The following PHF13 variants were observed in gnomAD, a reference collection of about 807,000 sequenced individuals.
PHF13 encodes PHD finger protein 13, also known as PHD zinc finger protein PHF5.
A neutral mutation model predicts 25.8 loss-of-function variants in PHF13; 1 was observed. That is an observed-to-expected ratio of 0.04 (90% CI 0.01 to 0.18). The LOEUF (loss-of-function observed/expected upper bound fraction) is 0.18. PHF13 is among the 10% of genes least tolerant of loss of function. PHF13 has a pLI of 1.00. For synonymous variants in PHF13, 195 were observed against 162.4 expected, an observed-to-expected ratio of 1.20 and a Z score of -1.53; for missense variants, 306 against 403.2, an observed-to-expected ratio of 0.76 and a Z score of 2.06.
Position 6,620,202 on chromosome 1 carries a change from T to G in PHF13, c.541T>G (p.Cys181Gly), listed in dbSNP as rs748409666. The change falls in exon 3 of 4, where the codon TGT becomes GGT. Residue 181 changes from cysteine to glycine, a missense_variant. Cys to Gly is a radical substitution (Grantham distance 159). Coordinates refer to ENST00000377648, the MANE Select transcript of PHF13 (RefSeq NM_153812.3). Reference sequence around the variant, plus strand: ...CTCCGATACTCCCTCGAGTGGATCTTGTGCCACTGTGTCACCTGATCAGGT... The same window carrying G: ...CTCCGATACTCCCTCGAGTGGATCTGGTGCCACTGTGTCACCTGATCAGGT... ...WDSDTPSSGSCATVSPDQVKE... is the reference protein window; with the variant it reads ...WDSDTPSSGSGATVSPDQVKE... 1 of 1,614,020 alleles carries G rather than the reference T, an allele frequency of 6.2e-7. No homozygotes were observed. Among genetic ancestry groups the G allele is most frequent in the Non-Finnish European group, 8.5e-7 (1 of 1,180,028 alleles).
intron 1 of PHF13, among the ~76,000 whole-genome samples, chr1:6,616,367 A>AGCT (rs1641260939): frequency 6.6e-6 from 1 of 152,154 alleles, no homozygotes; most frequent in African/African-American, 2.4e-5. Flanking sequence ...CATCAGTTCC[A>AGCT]GCTGCTGCTG....
At chr1:6,618,425 G>A (rs751335365) in intron 2 of PHF13, among the ~76,000 whole-genome samples, 4 of 152,150 alleles carry the variant, frequency 2.6e-5, no homozygotes, top group East Asian at 1.9e-4. Context: ...GAGCCACTGC[G>A]TTTGGCCGTA....
chr1:6,614,125 C>T lies in PHF13; in HGVS notation c.39+20C>T, dbSNP rs1227109582. The T allele has an allele frequency of 5.0e-6, 8 of 1,596,810 alleles. No individual in the cohort carries two copies. Among genetic ancestry groups the T allele is most frequent in the African/African-American group, 4.1e-5 (3 of 72,302 alleles). On this transcript the variant is annotated intron_variant, in intron 1 of 3. Coordinates refer to ENST00000377648, the MANE Select transcript of PHF13 (RefSeq NM_153812.3). ...CCGGAGGTGAGTGAAGCTGTGCGTC[C>T]GAATCGCCCCCGACCACCCCCTCCG...
At chr1:6,617,460 T>C (rs1056988048) in intron 2 of PHF13, among the ~76,000 whole-genome samples, 2 of 152,090 alleles carry the variant, frequency 1.3e-5, no homozygotes, top group Non-Finnish European at 2.9e-5. Flanking sequence ...TTGTTTGAAA[T>C]GGAGTCTGGC....
chr1:6,614,204 C>T, intron 1 of PHF13, 99 bp downstream of exon 1: 4 of 1,041,902 alleles, frequency 3.8e-6, no homozygotes, highest in Non-Finnish European at 5.7e-6. Context: ...GCGCCGCCCT[C>T]CCCTTCCCCC....
intron 2 of PHF13, among the ~76,000 whole-genome samples, chr1:6,617,182 G>A (rs932373264): frequency 6.7e-6 from 1 of 149,632 alleles, no homozygotes; most frequent in Non-Finnish European, 1.5e-5. Flanking sequence ...CCACCCCCGG[G>A]TTCAAGGGAT....
chr1:6,622,991 A>G lies in PHF13; in HGVS notation c.*1354A>G, dbSNP rs1360993949. ...GTACTTGTTCTCAAAACATTTTCTAATTGATTGGTAGGTTTTCATAAGCAT... is the reference window on the plus strand; with the variant it reads ...GTACTTGTTCTCAAAACATTTTCTAGTTGATTGGTAGGTTTTCATAAGCAT... On this transcript the variant is annotated 3_prime_UTR_variant, in exon 4 of 4. Coordinates refer to ENST00000377648, the MANE Select transcript of PHF13 (RefSeq NM_153812.3). 6.6e-6 allele frequency: 1 copy of G among 152,200 alleles called. No individual in the cohort carries two copies. The highest frequency in any genetic ancestry group is 2.4e-5 in the African/African-American group (1 of 41,438). The allele number at this position is 152,200 out of a possible 1,614,324, so 9.4% of individuals were successfully genotyped here.
Position 6,620,365 on chromosome 1 carries a change from C to G in PHF13, c.676+28C>G, listed in dbSNP as rs753633928. The G allele has an allele frequency of 6.9e-6, 11 of 1,592,014 alleles. No individual in the cohort carries two copies. In the Admixed American group the frequency reaches 1.7e-4, roughly 25 times the overall value. On this transcript the variant is annotated intron_variant, in intron 3 of 3. Transcript: ENST00000377648. ...GAGTGGTCCCTGAAGGATGATGACC[C>G]TTGTTGGCTTGTGGTTAGAAGAGAG...
At position 6,621,044 on chromosome 1, in the gene PHF13, A is replaced by C. The variant is rs1490869200; in HGVS notation, c.677-367A>C. On this transcript the variant is annotated intron_variant, in intron 3 of 3. Coordinates refer to ENST00000377648, the MANE Select transcript of PHF13 (RefSeq NM_153812.3). The surrounding 1 kb of genome is among the most constrained non-coding windows in gnomAD (Gnocchi z 4.8). Reference sequence around the variant, plus strand: ...AACTCCGTCTCAAGAAAAAAAAAAAAAACAATAGTCGAGTGTGGTGGTGTG... The same window carrying C: ...AACTCCGTCTCAAGAAAAAAAAAAACAACAATAGTCGAGTGTGGTGGTGTG... 4.0e-5 allele frequency among the ~76,000 whole-genome samples: 6 copies of C among 150,394 alleles called. No individual in the cohort carries two copies. The highest frequency in any genetic ancestry group is 7.4e-5 in the Non-Finnish European group (5 of 67,524).
chr1:6,620,593 G>C (rs1323933370), intron 3 of PHF13, among the ~76,000 whole-genome samples: 1 of 150,450 alleles, frequency 6.6e-6, no homozygotes, highest in Non-Finnish European at 1.5e-5. Context: ...TAAGCATCCA[G>C]GTAAGCATCC....
At position 6,619,866 on chromosome 1, in the gene PHF13, G is replaced by A. The variant is rs776733928; in HGVS notation, c.205G>A (p.Gly69Ser). Reference protein sequence around the residue: ...NSTAGTIDSDGWDAGFSDIAS... With the variant: ...NSTAGTIDSDSWDAGFSDIAS... Reference sequence around the variant, plus strand: ...CACTGCTGGTACCATTGACAGCGACGGCTGGGACGCGGGTTTCTCAGACAT... The same window carrying A: ...CACTGCTGGTACCATTGACAGCGACAGCTGGGACGCGGGTTTCTCAGACAT... Residue 69 changes from glycine to serine, a missense_variant, in exon 3 of 4, where the codon GGC becomes AGC. Physicochemically the swap from Gly to Ser is moderately conservative, Grantham distance 56. This residue lies in a region of PHF13 where 36 missense variants were observed against 76.0 expected (regional missense o/e 0.47). Transcript: ENST00000377648. The A allele has an allele frequency of 1.9e-5, 30 of 1,613,670 alleles. No individual in the cohort carries two copies. Among genetic ancestry groups the A allele is most frequent in the East Asian group, 8.9e-5 (4 of 44,882 alleles).
At position 6,623,880 on chromosome 1, in the gene PHF13, C is replaced by G. The variant is rs879236319; in HGVS notation, c.*2243C>G. 2 of 152,770 alleles carry G rather than the reference C, an allele frequency of 1.3e-5. No individual in the cohort carries two copies. Among genetic ancestry groups the G allele is most frequent in the South Asian group, 2.1e-4 (1 of 4,826 alleles). 9.5% of individuals were successfully genotyped at this position (152,770 alleles called of 1,614,324 possible). Reference sequence around the variant, plus strand: ...TCCCATTGGCTTTGGCCAGGCCAGACACTTCACATCGTTTACATGGTTCTG... The same window carrying G: ...TCCCATTGGCTTTGGCCAGGCCAGAGACTTCACATCGTTTACATGGTTCTG... On this transcript the variant is annotated 3_prime_UTR_variant, in exon 4 of 4. Coordinates refer to ENST00000377648, the MANE Select transcript of PHF13 (RefSeq NM_153812.3).
intron 2 of PHF13, among the ~76,000 whole-genome samples, chr1:6,617,465 T>G (rs113003311): frequency 0.051 from 7,440 of 147,140 alleles, 269 homozygotes; most frequent in Non-Finnish European, 0.078. Flanking sequence ...TGAAATGGAG[T>G]CTGGCTCTGT....
intron 1 of PHF13, among the ~76,000 whole-genome samples, chr1:6,616,262 C>T (rs556311708): frequency 1.2e-4 from 18 of 152,036 alleles, no homozygotes; most frequent in Admixed American, 2.6e-4. Flanking sequence ...CTCCTGACCT[C>T]GTGATCCGCC....
Position 6,614,458 on chromosome 1 carries a change from C to G in PHF13, c.39+353C>G, listed in dbSNP as rs534615055. 505 of 241,716 alleles carry G rather than the reference C, an allele frequency of 2.1e-3. 5 individuals carry two copies. The highest frequency in any genetic ancestry group is 0.011 in the African/African-American group (490 of 43,194). 15.0% of individuals were successfully genotyped at this position (241,716 alleles called of 1,614,324 possible). The stretch of plus-strand genomic sequence containing the variant: ...CCCGCCGGCCTGCTTACTCTTTCCC[C>G]GCCCCCGGGGACGCGGTCCGAGCCG... On this transcript the variant is annotated intron_variant, in intron 1 of 3. Transcript: ENST00000377648.
At chr1:6,614,831 T>C (rs868760967) in intron 1 of PHF13, among the ~76,000 whole-genome samples, 1,539 of 148,252 alleles carry the variant, frequency 0.01, 10 homozygotes, top group South Asian at 0.017. Context: ...GCTCCCGGCC[T>C]CCCCCCCGCG....
Position 6,621,270 on chromosome 1 carries a change from CT to C in PHF13, c.677-137del. 1.1e-6 allele frequency: 1 copy of C among 878,290 alleles called. No homozygotes were observed. The highest frequency in any genetic ancestry group is 1.6e-5 in the South Asian group (1 of 61,860). The allele number at this position is 878,290 out of a possible 1,614,324, so 54.4% of individuals were successfully genotyped here. On this transcript the variant is annotated intron_variant, in intron 3 of 3. Coordinates refer to ENST00000377648, the MANE Select transcript of PHF13 (RefSeq NM_153812.3). The surrounding 1 kb of genome is among the most constrained non-coding windows in gnomAD (Gnocchi z 4.8). ...CCACACATTTTGGAGCCCCTCGTGC[CT>C]TTTCAGAGAGAAGTGTCAGCTTCGA... is the stretch of plus-strand genomic sequence containing the variant.
intron 3 of PHF13, 143 bp downstream of exon 3, chr1:6,620,480 G>C (rs1641322128): frequency 4.2e-6 from 4 of 962,180 alleles, no homozygotes; most frequent in Non-Finnish European, 4.6e-6. Context: ...GAGGAGAAAA[G>C]CTGCAGGAAT....
intron 1 of PHF13, 130 bp downstream of exon 1, chr1:6,614,235 C>T (rs1261457239): frequency 1.1e-5 from 8 of 703,926 alleles, no homozygotes; most frequent in South Asian, 1.7e-5. Flanking sequence ...CGTCGGCCCC[C>T]CCGGGAGCCC....
Sources: gnomAD v4.1 joint callset for allele counts (sites outside exome capture counted in the v4.1 genomes callset) on GRCh38, gnomAD v4.1.1 for gene constraint, gnomAD v4.1.1 regional missense constraint, Gnocchi (gnomAD v3.1) non-coding constraint, MANE v1.5 for transcripts, NCBI Gene and HGNC (gene_info 2026-07-23, HGNC 2026-07-21) for gene names.